Variants in NSUN6 observed in about 807,000 individuals in gnomAD.
NSUN6 encodes the protein NOP2/Sun RNA methyltransferase 6.
A neutral mutation model predicts 58.0 loss-of-function variants in NSUN6; 64 were observed. The ratio of observed to expected loss-of-function variants is 1.10; its 90% CI spans 0.90 to 1.36. The LOEUF (loss-of-function observed/expected upper bound fraction) is 1.36. Among genes scored for constraint, NSUN6 ranks in the 40% most tolerant of loss-of-function variants. The pLI, the probability that NSUN6 is intolerant of heterozygous loss-of-function variation, is 0.00. For synonymous variants in NSUN6, 231 were observed against 193.9 expected, an observed-to-expected ratio of 1.19 and a Z score of -1.59; for missense variants, 701 against 550.1, an observed-to-expected ratio of 1.27 and a Z score of -2.74.
chr10:18,569,741 A>G (rs2056225929), intron 8 of NSUN6, among the ~76,000 whole-genome samples: 1 of 148,786 alleles, frequency 6.7e-6, no homozygotes, highest in African/African-American at 2.5e-5. Context: ...CCTCCATTCC[A>G]TTACATCCCA....
upstream of NSUN6, among the ~76,000 whole-genome samples, chr10:18,653,808 A>T (rs1324486757): frequency 6.6e-6 from 1 of 152,236 alleles, no homozygotes; most frequent in Non-Finnish European, 1.5e-5. Context: ...TGTGCTATGT[A>T]AGCAAAGGAA....
chr10:18,551,738 C>T (rs1294495980), intron 9 of NSUN6, 85 bp downstream of exon 9: 25 of 1,151,354 alleles, frequency 2.2e-5, no homozygotes, highest in South Asian at 3.0e-5. Context: ...TTGTAATGAA[C>T]GCTGCTATGG....
upstream of NSUN6, among the ~76,000 whole-genome samples, chr10:18,659,018 A>G (rs10764661): frequency 0.8 from 121,741 of 152,198 alleles, 48,759 homozygotes; most frequent in East Asian, 0.98. Flanking sequence ...GTTTTCTAAG[A>G]GCAGCAAACG....
intron 3 of NSUN6, among the ~76,000 whole-genome samples, chr10:18,627,624 C>CT (rs1348485272): frequency 2.6e-5 from 4 of 152,338 alleles, no homozygotes; most frequent in Admixed American, 1.3e-4. Flanking sequence ...AGGGAGTTCC[C>CT]TTTCCTAGTC....
In NSUN6 at chr10:18,546,558, C is replaced by T. The variant is rs546706294; in HGVS notation, c.1198-413G>A. Among the ~76,000 whole-genome samples the T allele has an allele frequency of 9.2e-5, 14 of 152,212 alleles. No individual in the cohort carries two copies. In the South Asian group the frequency reaches 2.5e-3, roughly 27 times the overall value. ...TATCACACCTGGCATATAGCAGGGA[C>T]TCAGTAAATGGAACATTATTATCAA... On this transcript the variant is annotated intron_variant, in intron 10 of 10. Transcript: ENST00000377304.
chr10:18,562,388 T>C (rs940202223), intron 8 of NSUN6, among the ~76,000 whole-genome samples: 5 of 142,110 alleles, frequency 3.5e-5, no homozygotes, highest in Admixed American at 1.4e-4. Context: ...GAGGATAGAA[T>C]AGAAGGGAAT....
At chr10:18,657,381 AAGT>A (rs1344015027), upstream of NSUN6, among the ~76,000 whole-genome samples, 1 of 152,190 alleles carries the variant, frequency 6.6e-6, no homozygotes, top group Non-Finnish European at 1.5e-5. Flanking sequence ...AAGGTGTTAA[AAGT>A]AAGTTAAAAG....
intron 8 of NSUN6, among the ~76,000 whole-genome samples, chr10:18,567,067 C>T (rs1357733714): frequency 6.7e-6 from 1 of 149,714 alleles, no homozygotes; most frequent in African/African-American, 2.5e-5. Flanking sequence ...CATTCTATTC[C>T]ATTCTCCATT....
chr10:18,581,148 C>T (rs189072055), intron 8 of NSUN6, among the ~76,000 whole-genome samples: 2 of 152,018 alleles, frequency 1.3e-5, no homozygotes, highest in East Asian at 1.9e-4. Context: ...GGGAGGGGAG[C>T]GTGCACAGTG....
chr10:18,551,299 T>C (rs1021059769), intron 9 of NSUN6, among the ~76,000 whole-genome samples: 4 of 144,322 alleles, frequency 2.8e-5, no homozygotes, highest in African/African-American at 5.1e-5. Flanking sequence ...TGTGGTAAAA[T>C]ATAAATAACA....
In NSUN6 at chr10:18,545,747, T is replaced by C. The variant is rs1353491912; in HGVS notation, c.*186A>G. 57 of 540,044 alleles carry C rather than the reference T, an allele frequency of 1.1e-4. No homozygotes were observed. In the East Asian group the frequency reaches 1.9e-3, roughly 18 times the overall value. The allele number at this position is 540,044 out of a possible 1,614,324, so 33.5% of individuals were successfully genotyped here. On this transcript the variant is annotated 3_prime_UTR_variant, in exon 11 of 11. Coordinates refer to ENST00000377304, the MANE Select transcript of NSUN6 (RefSeq NM_182543.5). ...AAAAAAATCTTTTAAAAACAGAAAA[T>C]ATAATCTCATACCACCCCCTACTTC...
intron 8 of NSUN6, among the ~76,000 whole-genome samples, chr10:18,570,089 C>G (rs1291166403): frequency 6.7e-6 from 1 of 148,826 alleles, no homozygotes; most frequent in South Asian, 2.1e-4. Flanking sequence ...TTCCATTCCA[C>G]TGCCCATTCT....
At chr10:18,623,593 C>G (rs766596222) in intron 3 of NSUN6, among the ~76,000 whole-genome samples, 6 of 152,128 alleles carry the variant, frequency 3.9e-5, no homozygotes, top group Admixed American at 6.5e-5. Context: ...TTACCAGTAT[C>G]CTGTTCAGAG....
chr10:18,645,548 ATCAGT>A (rs2059521985), intron 2 of NSUN6, among the ~76,000 whole-genome samples: 1 of 152,234 alleles, frequency 6.6e-6, no homozygotes, highest in South Asian at 2.1e-4. Context: ...TGTAGCATGT[ATCAGT>A]TCATTCTAGT....
At chr10:18,656,170 G>A (rs964161226), upstream of NSUN6, among the ~76,000 whole-genome samples, 3 of 152,164 alleles carry the variant, frequency 2.0e-5, no homozygotes, top group Non-Finnish European at 4.4e-5. Flanking sequence ...CATATGGCAG[G>A]TAGAATTTTC....
chr10:18,629,263 A>G lies in NSUN6; in HGVS notation c.312-12970T>C, dbSNP rs1230256761. Among the ~76,000 whole-genome samples the G allele has an allele frequency of 4.6e-5, 7 of 152,340 alleles. No individual in the cohort carries two copies. In the East Asian group the frequency reaches 9.6e-4, roughly 21 times the overall value. ...AGAGCTCCTGAAGGAAGCACTAAAC[A>G]TGGAAAGGAACAACTGCTACCAGCC... On this transcript the variant is annotated intron_variant, in intron 3 of 10. Coordinates refer to ENST00000377304, the MANE Select transcript of NSUN6 (RefSeq NM_182543.5).
At chr10:18,574,945 T>C (rs551132668) in intron 8 of NSUN6, among the ~76,000 whole-genome samples, 1 of 152,248 alleles carries the variant, frequency 6.6e-6, no homozygotes, top group East Asian at 1.9e-4. Context: ...AGCAGTCTGT[T>C]GTATCTTCTG....
intron 7 of NSUN6, among the ~76,000 whole-genome samples, chr10:18,588,033 T>C (rs1360913284): frequency 2.0e-5 from 3 of 152,188 alleles, no homozygotes; most frequent in Non-Finnish European, 4.4e-5. Context: ...TGGCTTGAAA[T>C]TCTCACAGCC....
At chr10:18,573,776 G>C (rs2056511624) in intron 8 of NSUN6, among the ~76,000 whole-genome samples, 2 of 152,066 alleles carry the variant, frequency 1.3e-5, no homozygotes, top group South Asian at 4.1e-4. Context: ...CCACTTAGTA[G>C]GTGCAGGCAA....
Sources: allele counts gnomAD v4.1 joint callset (sites outside exome capture counted in the v4.1 genomes callset), GRCh38; gene constraint gnomAD v4.1.1; transcripts MANE v1.5; gene names NCBI Gene and HGNC (gene_info 2026-07-23, HGNC 2026-07-21).